The following INPP4B variants were observed in gnomAD, a reference collection of about 807,000 sequenced individuals.
INPP4B encodes the protein inositol polyphosphate-4-phosphatase type II B.
Under a neutral mutation model 122.5 loss-of-function variants are expected in INPP4B, and 55 were observed. The observed-to-expected ratio is 0.45, with a 90% CI of 0.36 to 0.56. The LOEUF (loss-of-function observed/expected upper bound fraction) is 0.56. Ranked by LOEUF, INPP4B falls within the 20% of genes least tolerant of loss-of-function variation. The pLI is 0.00. For synonymous variants in INPP4B, 403 were observed against 388.7 expected (o/e 1.04, Z -0.43); for missense variants, 1,000 against 1,097.7 (o/e 0.91, Z 1.26).
chr4:142,575,438 T>C (rs185506149), intron 2 of INPP4B, among the ~76,000 whole-genome samples: 9 of 152,156 alleles, frequency 5.9e-5, no homozygotes, highest in Admixed American at 5.2e-4. Flanking sequence ...GCTAATTCTA[T>C]AAACCTTCTA....
intron 15 of INPP4B, among the ~76,000 whole-genome samples, chr4:142,192,019 GT>G (rs1836054006): frequency 2.0e-5 from 3 of 151,904 alleles, no homozygotes; most frequent in Non-Finnish European, 4.4e-5. Context: ...TTTGATAAAT[GT>G]GATAAAACGT....
At chr4:142,763,808 C>T (rs1391275430) in intron 1 of INPP4B, among the ~76,000 whole-genome samples, 1 of 151,878 alleles carries the variant, frequency 6.6e-6, no homozygotes, top group African/African-American at 2.4e-5. Context: ...GACAAAATTA[C>T]AAATTTTGCT....
intron 18 of INPP4B, among the ~76,000 whole-genome samples, chr4:142,144,401 T>C (rs753824760): frequency 2.0e-5 from 3 of 151,994 alleles, no homozygotes; most frequent in Non-Finnish European, 4.4e-5. Flanking sequence ...AAAAAATCTA[T>C]CAATGGACAT....
At chr4:142,660,372 G>T (rs1754951631) in intron 2 of INPP4B, among the ~76,000 whole-genome samples, 1 of 152,066 alleles carries the variant, frequency 6.6e-6, no homozygotes, top group Non-Finnish European at 1.5e-5. Context: ...TTCTAGATGG[G>T]TAGCCATTCA....
chr4:142,762,655 A>G (rs1771521644), intron 1 of INPP4B, among the ~76,000 whole-genome samples: 1 of 152,158 alleles, frequency 6.6e-6, no homozygotes, highest in Non-Finnish European at 1.5e-5. Flanking sequence ...CAAGTACGTT[A>G]TCTTCCATCA....
intron 25 of INPP4B, among the ~76,000 whole-genome samples, chr4:142,033,758 G>A (rs191431588): frequency 3.7e-3 from 540 of 146,298 alleles, no homozygotes; most frequent in Non-Finnish European, 6.6e-3. Context: ...TCTATCTCTC[G>A]AGCTCAAGTG....
chr4:142,056,553 G>C (rs2152418973), intron 25 of INPP4B, among the ~76,000 whole-genome samples: 1 of 152,148 alleles, frequency 6.6e-6, no homozygotes, highest in Admixed American at 6.6e-5. Context: ...TGAAGTAAGT[G>C]ATAGGAACAT....
At chr4:142,084,872 A>G (rs1309052274) in intron 24 of INPP4B, among the ~76,000 whole-genome samples, 1 of 152,226 alleles carries the variant, frequency 6.6e-6, no homozygotes, top group African/African-American at 2.4e-5. Flanking sequence ...GTAAATCATC[A>G]GATGGCATGA....
At position 142,679,900 on chromosome 4, in the gene INPP4B, T is replaced by TA. The variant is rs1031360361; in HGVS notation, c.-191+45938dup. ...AATAGTACTCCCTGTGTCAAAACGTTAAAAAAAAAATAGATACCCTACGGT... is the reference window on the plus strand; with the variant it reads ...AATAGTACTCCCTGTGTCAAAACGTTAAAAAAAAAAATAGATACCCTACGGT... On this transcript the variant is annotated intron_variant, in intron 2 of 25. Coordinates refer to ENST00000262992, the MANE Select transcript of INPP4B (RefSeq NM_001101669.3). 4.7e-3 allele frequency among the ~76,000 whole-genome samples: 701 copies of TA among 147,950 alleles called. 9 individuals are homozygous for TA. Among genetic ancestry groups the TA allele is most frequent in the African/African-American group, 0.015 (598 of 40,588 alleles).
chr4:142,799,989 C>G (rs1027989940), intron 1 of INPP4B, among the ~76,000 whole-genome samples: 9 of 151,864 alleles, frequency 5.9e-5, no homozygotes, highest in Non-Finnish European at 1.2e-4. Context: ...GCTTAAATTT[C>G]CAGAAGTATA....
At chr4:142,087,609 G>T (rs1243873248) in intron 23 of INPP4B, among the ~76,000 whole-genome samples, 1 of 152,170 alleles carries the variant, frequency 6.6e-6, no homozygotes, top group Non-Finnish European at 1.5e-5. Flanking sequence ...AAATAAGATG[G>T]ACTACAACTA....
At chr4:142,545,614 C>G (rs991436124) in intron 2 of INPP4B, among the ~76,000 whole-genome samples, 1 of 151,606 alleles carries the variant, frequency 6.6e-6, no homozygotes, top group Non-Finnish European at 1.5e-5. Flanking sequence ...CCTTTGTATG[C>G]AAATATGTTC....
chr4:142,276,868 T>C (rs1026441271), intron 9 of INPP4B, among the ~76,000 whole-genome samples: 3 of 151,920 alleles, frequency 2.0e-5, no homozygotes, highest in Non-Finnish European at 4.4e-5. Context: ...ATTAAAAATA[T>C]ATATTTGGAA....
chr4:142,694,623 G>A (rs1281254269), intron 2 of INPP4B, among the ~76,000 whole-genome samples: 2 of 152,024 alleles, frequency 1.3e-5, no homozygotes, highest in East Asian at 3.9e-4. Flanking sequence ...GTCTGTTTTG[G>A]AGGCATTTGA....
intron 1 of INPP4B, among the ~76,000 whole-genome samples, chr4:142,736,846 C>G (rs1346294603): frequency 6.6e-6 from 1 of 152,076 alleles, no homozygotes; most frequent in Non-Finnish European, 1.5e-5. Flanking sequence ...TTGAATAGGA[C>G]TGGTGAGAGA....
At chr4:142,124,483 C>A in intron 19 of INPP4B, 105 bp downstream of exon 19, 2 of 1,052,926 alleles carry the variant, frequency 1.9e-6, no homozygotes, top group Non-Finnish European at 2.8e-6. Flanking sequence ...CTTTAAGGAT[C>A]TTTTTAAAAA....
At chr4:142,760,139 G>T (rs1005164576) in intron 1 of INPP4B, among the ~76,000 whole-genome samples, 6 of 152,054 alleles carry the variant, frequency 3.9e-5, no homozygotes, top group Admixed American at 6.6e-5. Context: ...ATATACAACT[G>T]CCAAAGTTCA....
chr4:142,121,235 G>C (rs1796436887), intron 21 of INPP4B, among the ~76,000 whole-genome samples: 1 of 150,996 alleles, frequency 6.6e-6, no homozygotes, highest in African/African-American at 2.4e-5. Flanking sequence ...GGGTTTTTTT[G>C]TGAGTAAGAA....
At chr4:142,633,909 C>T (rs577483671) in intron 2 of INPP4B, among the ~76,000 whole-genome samples, 81 of 151,970 alleles carry the variant, frequency 5.3e-4, no homozygotes, top group Middle Eastern at 6.8e-3. Context: ...GCCCATAGTC[C>T]CAGCTACTTG....
Sources: allele counts gnomAD v4.1 joint callset (sites outside exome capture counted in the v4.1 genomes callset), GRCh38; gene constraint gnomAD v4.1.1; transcripts MANE v1.5; gene names NCBI Gene and HGNC (gene_info 2026-07-23, HGNC 2026-07-21).